Variants in TTLL11 observed in about 807,000 individuals in gnomAD.
TTLL11 encodes the protein tubulin tyrosine ligase like 11, also known as tubulin polyglutamylase TTLL11.
A neutral mutation model predicts 51.7 loss-of-function variants in TTLL11; 42 were observed. The observed-to-expected ratio is 0.81, with a 90% CI of 0.64 to 1.05. The LOEUF (loss-of-function observed/expected upper bound fraction) is 1.05. Among genes scored for constraint, TTLL11 ranks in the 50% least tolerant of loss-of-function variants. TTLL11 has a pLI of 0.00. For synonymous variants in TTLL11, 381 were observed against 383.5 expected (o/e 0.99, Z 0.08); for missense variants, 799 against 940.4 (o/e 0.85, Z 1.97).
At chr9:122,043,465 C>T (rs1229604331) in intron 1 of TTLL11, among the ~76,000 whole-genome samples, 1 of 152,106 alleles carries the variant, frequency 6.6e-6, no homozygotes. Context: ...TGGACCTTTA[C>T]CTTATACCAT....
chr9:121,855,110 T>A (rs1837775621), intron 8 of TTLL11, among the ~76,000 whole-genome samples: 1 of 152,170 alleles, frequency 6.6e-6, no homozygotes, highest in Admixed American at 6.5e-5. Context: ...ACATATTAGA[T>A]GTAGGTCACT....
intron 6 of TTLL11, among the ~76,000 whole-genome samples, chr9:121,906,211 A>G (rs1189299238): frequency 6.6e-6 from 1 of 152,134 alleles, no homozygotes; most frequent in Non-Finnish European, 1.5e-5. Flanking sequence ...CTTCTCCTCA[A>G]AGCTATGAAT....
chr9:121,865,017 A>T (rs893240425), intron 7 of TTLL11, among the ~76,000 whole-genome samples: 6 of 152,136 alleles, frequency 3.9e-5, no homozygotes, highest in African/African-American at 1.4e-4. Flanking sequence ...TTTATTTTTT[A>T]AAAACCACAC....
At chr9:121,939,704 T>C (rs1434306166) in intron 6 of TTLL11, among the ~76,000 whole-genome samples, 1 of 152,226 alleles carries the variant, frequency 6.6e-6, no homozygotes, top group Admixed American at 6.5e-5. Flanking sequence ...ATAATTTTTT[T>C]GTAATTTTAT....
At chr9:121,859,655 A>G (rs1487961465) in intron 8 of TTLL11, among the ~76,000 whole-genome samples, 3 of 152,178 alleles carry the variant, frequency 2.0e-5, no homozygotes, top group Admixed American at 2.0e-4. Context: ...TGTGGCATTC[A>G]AGGCTTTGAC....
At chr9:122,028,808 A>G (rs1844430962) in intron 3 of TTLL11, among the ~76,000 whole-genome samples, 1 of 152,240 alleles carries the variant, frequency 6.6e-6, no homozygotes, top group Non-Finnish European at 1.5e-5. Context: ...AGAGACTGAG[A>G]TAATACAGAA....
chr9:121,826,515 G>GTGTGTATA (rs1424855550), intron 8 of TTLL11, among the ~76,000 whole-genome samples: 5 of 34,450 alleles, frequency 1.5e-4, no homozygotes, highest in East Asian at 3.0e-3. Flanking sequence ...ATATATATAT[G>GTGTGTATA]TATATATATA....
chr9:121,951,644 T>A (rs749766662), intron 6 of TTLL11, among the ~76,000 whole-genome samples: 1 of 152,162 alleles, frequency 6.6e-6, no homozygotes, highest in Non-Finnish European at 1.5e-5. Context: ...GTAGAAGAAT[T>A]CCTCTGGAAT....
rs188602473 is a variant in TTLL11 at position 121,959,411 on chromosome 9, C to T, written c.1481+14598G>A. Among the ~76,000 whole-genome samples the T allele has an allele frequency of 2.5e-3, 384 of 152,290 alleles. 2 individuals are homozygous for T. Among genetic ancestry groups the T allele is most frequent in the African/African-American group, 8.7e-3 (362 of 41,556 alleles). ...TTAGATAATATCGCTGGAAGTCTCA[C>T]GACCCTTCATCAGGCCCTCACAAAG... On this transcript the variant is annotated intron_variant, in intron 6 of 8. Coordinates refer to ENST00000321582, the MANE Select transcript of TTLL11 (RefSeq NM_001139442.2).
intron 1 of TTLL11, among the ~76,000 whole-genome samples, chr9:122,045,100 T>TA (rs967432355): frequency 4.0e-5 from 6 of 148,568 alleles, no homozygotes; most frequent in African/African-American, 9.9e-5. Flanking sequence ...AGACCCTATC[T>TA]AAAAAAAAAG....
At chr9:121,974,396 A>C (rs2131659000) in intron 5 of TTLL11, among the ~76,000 whole-genome samples, 1 of 152,360 alleles carries the variant, frequency 6.6e-6, no homozygotes, top group Admixed American at 6.5e-5. Context: ...GAAAGGGGTT[A>C]AGAAAACTAA....
rs985766712 is a variant in TTLL11 at position 121,890,099 on chromosome 9, T to C, written c.1482-19351A>G. On this transcript the variant is annotated intron_variant, in intron 6 of 8. Transcript: ENST00000321582. This position sits in a 1 kb window ranked among gnomAD's most constrained non-coding sequence, Gnocchi z 4.3. ...CATTCATGGACATTGTAAATAATGC[T>C]GCTATAAACAAGGTGAACAGGGCAA... is the stretch of plus-strand genomic sequence containing the variant. Among the ~76,000 whole-genome samples the C allele has an allele frequency of 1.3e-5, 2 of 152,210 alleles. No individual in the cohort carries two copies. The highest frequency in any genetic ancestry group is 4.8e-5 in the African/African-American group (2 of 41,450).
intron 3 of TTLL11, among the ~76,000 whole-genome samples, chr9:122,006,657 A>G (rs186095777): frequency 2.2e-4 from 33 of 152,280 alleles, no homozygotes; most frequent in Admixed American, 1.4e-3. Flanking sequence ...GTGCCAAAGC[A>G]TTTACTTATT....
At chr9:122,008,969 CTGTGGAA>C (rs1353689403) in intron 3 of TTLL11, among the ~76,000 whole-genome samples, 1 of 152,170 alleles carries the variant, frequency 6.6e-6, no homozygotes, top group Non-Finnish European at 1.5e-5. Flanking sequence ...TCTCACTTAT[CTGTGGAA>C]TCTAAATAAG....
At chr9:121,839,726 C>A (rs553016831) in intron 8 of TTLL11, among the ~76,000 whole-genome samples, 1 of 150,368 alleles carries the variant, frequency 6.7e-6, no homozygotes, top group South Asian at 2.1e-4. Flanking sequence ...AACCCTCTTC[C>A]CCATCCCCCC....
chr9:121,976,398 G>T (rs1842709357), intron 4 of TTLL11, among the ~76,000 whole-genome samples: 1 of 152,186 alleles, frequency 6.6e-6, no homozygotes, highest in Non-Finnish European at 1.5e-5. Context: ...TGCCCCTAAT[G>T]AGATTCTGAT....
chr9:121,915,116 G>C (rs1840277913), intron 6 of TTLL11, among the ~76,000 whole-genome samples: 1 of 152,218 alleles, frequency 6.6e-6, no homozygotes, highest in Admixed American at 6.5e-5. Context: ...GGTGGTGGGA[G>C]GGGGAGCTGG....
intron 1 of TTLL11, among the ~76,000 whole-genome samples, chr9:122,064,595 T>C (rs998475042): frequency 1.3e-5 from 2 of 152,208 alleles, no homozygotes; most frequent in Non-Finnish European, 2.9e-5. Context: ...CACACTACAC[T>C]GTGCTAGGTG....
At chr9:121,842,466 TC>T (rs1837387027) in intron 8 of TTLL11, among the ~76,000 whole-genome samples, 1 of 151,964 alleles carries the variant, frequency 6.6e-6, no homozygotes, top group Non-Finnish European at 1.5e-5. Context: ...AGTCAGGGTC[TC>T]GCTATGTTTC....
Sources: gnomAD v4.1 joint callset for allele counts (sites outside exome capture counted in the v4.1 genomes callset) on GRCh38, gnomAD v4.1.1 for gene constraint, Gnocchi (gnomAD v3.1) non-coding constraint, MANE v1.5 for transcripts, NCBI Gene and HGNC (gene_info 2026-07-23, HGNC 2026-07-21) for gene names.